Variants in WDPCP observed in about 807,000 individuals in gnomAD.
WDPCP encodes WD repeat-containing and planar cell polarity effector protein fritz homolog.
A neutral mutation model predicts 93.1 loss-of-function variants in WDPCP; 71 were observed. That is an observed-to-expected ratio of 0.76 (90% CI 0.63 to 0.93). The LOEUF (loss-of-function observed/expected upper bound fraction) is 0.93. WDPCP is among the 40% of genes least tolerant of loss of function. The pLI is 0.00. For missense variants in WDPCP, 844 were observed against 887.4 expected (o/e 0.95, Z 0.62); for synonymous variants, 315 against 315.0 (o/e 1.00, Z 0.00).
intron 3 of WDPCP, among the ~76,000 whole-genome samples, chr2:63,626,639 C>T (rs1055243067): frequency 6.6e-6 from 1 of 152,120 alleles, no homozygotes; most frequent in Non-Finnish European, 1.5e-5. Flanking sequence ...CCATCTCATA[C>T]CAGTTAGAAT....
intron 17 of WDPCP, among the ~76,000 whole-genome samples, chr2:63,123,048 A>G (rs1179918524): frequency 2.1e-5 from 1 of 47,518 alleles, no homozygotes; most frequent in African/African-American, 8.8e-5. Context: ...CACAAAATTG[A>G]AAAAAAAAAA....
At chr2:63,342,954 T>G (rs779160091) in intron 12 of WDPCP, among the ~76,000 whole-genome samples, 2 of 152,192 alleles carry the variant, frequency 1.3e-5, no homozygotes, top group African/African-American at 2.4e-5. Context: ...TAGAATGTCT[T>G]AATTCTCCCT....
chr2:63,696,058 T>C (rs1320306226), intron 2 of WDPCP, among the ~76,000 whole-genome samples: 1 of 152,152 alleles, frequency 6.6e-6, no homozygotes, highest in Non-Finnish European at 1.5e-5. Context: ...AAGTGGTATT[T>C]ATCTAGAACC....
intron 3 of WDPCP, chr2:63,599,322 T>C (rs1340102828): frequency 2.5e-6 from 4 of 1,591,356 alleles, no homozygotes; most frequent in Non-Finnish European, 3.4e-6. Flanking sequence ...AATCTTGTGG[T>C]TGTTCAACTT....
intron 14 of WDPCP, among the ~76,000 whole-genome samples, chr2:63,227,465 CAA>C (rs926541079): frequency 1.3e-5 from 2 of 151,902 alleles, no homozygotes; most frequent in African/African-American, 4.8e-5. Flanking sequence ...GTAAACAAGA[CAA>C]AGAAAACCTT....
At chr2:63,348,346 G>T (rs1006395287) in intron 12 of WDPCP, among the ~76,000 whole-genome samples, 4 of 152,140 alleles carry the variant, frequency 2.6e-5, no homozygotes, top group Non-Finnish European at 5.9e-5. Context: ...CAGACTATAA[G>T]TGCTATAGCA....
intron 13 of WDPCP, among the ~76,000 whole-genome samples, chr2:63,280,144 G>A (rs921450430): frequency 6.6e-6 from 1 of 152,082 alleles, no homozygotes; most frequent in Non-Finnish European, 1.5e-5. Flanking sequence ...AACCAAAAAA[G>A]AGCGCTGTAT....
At chr2:63,702,633 G>A (rs1486408665) in intron 2 of WDPCP, among the ~76,000 whole-genome samples, 1 of 151,594 alleles carries the variant, frequency 6.6e-6, no homozygotes, top group African/African-American at 2.4e-5. Flanking sequence ...ACGCCTCCGG[G>A]GTTCACACCA....
At chr2:63,334,912 A>C (rs959542794) in intron 12 of WDPCP, among the ~76,000 whole-genome samples, 4 of 152,280 alleles carry the variant, frequency 2.6e-5, no homozygotes, top group Admixed American at 2.6e-4. Flanking sequence ...TCTTTACCCT[A>C]AAACAGTTCT....
In WDPCP at chr2:63,547,343, A is replaced by G. The variant is rs531882734; in HGVS notation, c.75+40854T>C. Among the ~76,000 whole-genome samples, 16 of 152,336 alleles carry G rather than the reference A, an allele frequency of 1.1e-4. 1 individual carries two copies. Among genetic ancestry groups the G allele is most frequent in the African/African-American group, 3.6e-4 (15 of 41,590 alleles). ...ATAAATCAATACAGCCATTATGGAA[A>G]ACAGTATGGAGATTTCTCAAAAACT... On this transcript the variant is annotated intron_variant, in intron 1 of 17. Coordinates refer to ENST00000272321, the MANE Select transcript of WDPCP (RefSeq NM_015910.7).
intron 17 of WDPCP, among the ~76,000 whole-genome samples, chr2:63,122,470 A>G (rs537429753): frequency 1.2e-3 from 187 of 152,298 alleles, no homozygotes; most frequent in Middle Eastern, 6.8e-3. Context: ...GATAATGGCT[A>G]TTGAGATAAT....
chr2:63,420,806 G>A (rs919985129), intron 9 of WDPCP, among the ~76,000 whole-genome samples: 3 of 152,138 alleles, frequency 2.0e-5, no homozygotes, highest in Non-Finnish European at 4.4e-5. Context: ...CATAGCTCTA[G>A]TTCAGTCATT....
At chr2:63,717,613 C>A in intron 2 of WDPCP, 1 of 526,846 alleles carries the variant, frequency 1.9e-6, no homozygotes. Flanking sequence ...TCTGAAACAC[C>A]TGCCTAGTGA....
rs545342914 is a variant in WDPCP, at chr2:63,708,327, C to T, written n.309-57489G>A. Among the ~76,000 whole-genome samples, 949 of 152,296 alleles carry T rather than the reference C, an allele frequency of 6.2e-3. 16 individuals are homozygous for T. Among genetic ancestry groups the T allele is most frequent in the African/African-American group, 0.021 (875 of 41,556 alleles). ...TTACCTACTCAATCCTGGGCAATGG[C>T]GGGCCCCCCTCCCCCAGCCTCGCTG... On this transcript the variant is annotated intron_variant and non_coding_transcript_variant, in intron 2 of 4. Coordinates refer to the WDPCP transcript ENST00000467687.
chr2:63,423,935 ACAGAT>A (rs904688873), intron 9 of WDPCP, among the ~76,000 whole-genome samples: 25 of 152,066 alleles, frequency 1.6e-4, no homozygotes, highest in Non-Finnish European at 2.1e-4. Flanking sequence ...GGTACTTGGA[ACAGAT>A]CTTCAGAGAA....
At chr2:63,190,432 CAAAAAAA>C (rs57419276) in intron 14 of WDPCP, among the ~76,000 whole-genome samples, 1 of 92,298 alleles carries the variant, frequency 1.1e-5, no homozygotes, top group African/African-American at 4.8e-5. Flanking sequence ...GACCTTGTCT[CAAAAAAA>C]AAAAAAAAAA....
At chr2:63,165,963 G>A (rs986795248) in intron 15 of WDPCP, among the ~76,000 whole-genome samples, 2 of 151,386 alleles carry the variant, frequency 1.3e-5, no homozygotes, top group African/African-American at 4.9e-5. Context: ...TTCTACCTGA[G>A]GTGTCAGTAA....
intron 2 of WDPCP, among the ~76,000 whole-genome samples, chr2:63,674,328 CT>C (rs936905010): frequency 1.5e-4 from 23 of 152,026 alleles, no homozygotes; most frequent in African/African-American, 5.6e-4. Flanking sequence ...ATTTAACAAA[CT>C]GGTTCAAAGT....
intron 1 of WDPCP, among the ~76,000 whole-genome samples, chr2:63,575,401 A>ATATACACTG (rs1362257239): frequency 9.3e-5 from 2 of 21,470 alleles, no homozygotes. Context: ...TATATACAGT[A>ATATACACTG]TATATACAGT....
Sources: allele counts gnomAD v4.1 joint callset (sites outside exome capture counted in the v4.1 genomes callset), GRCh38; gene constraint gnomAD v4.1.1; transcripts MANE v1.5; gene names NCBI Gene and HGNC (gene_info 2026-07-23, HGNC 2026-07-21).